Variants in BTBD8 observed in about 807,000 individuals in gnomAD.
BTBD8 encodes BTB/POZ domain-containing protein 8.
Under a neutral mutation model 162.9 loss-of-function variants are expected in BTBD8, and 110 were observed. The ratio of observed to expected loss-of-function variants is 0.68; its 90% CI spans 0.58 to 0.79. The LOEUF (loss-of-function observed/expected upper bound fraction) is 0.79, where lower values mean the gene tolerates loss of function less well. Ranked by LOEUF, BTBD8 falls within the 30% of genes least tolerant of loss-of-function variation. The pLI, the probability that BTBD8 is intolerant of heterozygous loss-of-function variation, is 0.00. For synonymous variants in BTBD8, 667 were observed against 716.1 expected (o/e 0.93, Z 1.10); for missense variants, 1,905 against 2,085.4 (o/e 0.91, Z 1.68).
At chr1:92,081,636 C>G (rs1648016145) in intron 1 of BTBD8, among the ~76,000 whole-genome samples, 1 of 152,090 alleles carries the variant, frequency 6.6e-6, no homozygotes, top group Non-Finnish European at 1.5e-5. Context: ...CGCCGTGGCG[C>G]GATCTCGGCT....
At chr1:92,105,961 C>T (rs1648714694) in intron 3 of BTBD8, among the ~76,000 whole-genome samples, 2 of 152,136 alleles carry the variant, frequency 1.3e-5, no homozygotes, top group Non-Finnish European at 2.9e-5. Flanking sequence ...CTATCTATTA[C>T]CAAAAATAAA....
At position 92,168,962 on chromosome 1, in the gene BTBD8, A is replaced by G; in HGVS notation, c.1540A>G (p.Met514Val). Residue 514 changes from methionine to valine, a missense_variant, in exon 12 of 18, where the codon ATG becomes GTG. Physicochemically the swap from Met to Val is conservative, Grantham distance 21. This residue lies in a region of BTBD8 where 1,374 missense variants were observed against 1,442.7 expected (regional missense o/e 0.95). Coordinates refer to ENST00000636805, the MANE Select transcript of BTBD8 (RefSeq NM_001376131.1). ...TCGTCACACAGAAAGCTGGAAGCTG[A>G]TGAGCACAGATGATCAACAGAAAAT... ...AVRHTESWKL[M>V]STDDQQKIQA... 6.5e-7 allele frequency: 1 copy of G among 1,537,680 alleles called. No individual in the cohort carries two copies. Among genetic ancestry groups the G allele is most frequent in the Non-Finnish European group, 8.8e-7 (1 of 1,136,594 alleles).
rs533253877 is a variant in BTBD8, at chr1:92,106,039, C to CA, written c.545-1842dup. Among the ~76,000 whole-genome samples, 87 of 152,282 alleles carry CA rather than the reference C, an allele frequency of 5.7e-4. No homozygotes were observed. In the South Asian group the frequency reaches 5.8e-3, roughly 10 times the overall value. On this transcript the variant is annotated intron_variant, in intron 3 of 17. Coordinates refer to ENST00000636805, the MANE Select transcript of BTBD8 (RefSeq NM_001376131.1). ...GGTTGCAGTTCCTTAAGTAGGAACT[C>CA]AAAGTATGGAGGCAGCTTACTTCAA...
chr1:92,158,713 G>A (rs1650214421), intron 9 of BTBD8, among the ~76,000 whole-genome samples: 1 of 152,058 alleles, frequency 6.6e-6, no homozygotes, highest in Non-Finnish European at 1.5e-5. Context: ...AGATCAGGGG[G>A]CTTATGGGAA....
intron 16 of BTBD8, among the ~76,000 whole-genome samples, chr1:92,178,931 G>T (rs1418661855): frequency 2.6e-5 from 4 of 152,100 alleles, no homozygotes; most frequent in Non-Finnish European, 5.9e-5. Context: ...TGTAAAACTG[G>T]CACTAAAGAG....
chr1:92,181,629 A>G lies in BTBD8; in HGVS notation c.3946A>G (p.Asn1316Asp), dbSNP rs1377872997. The G allele has an allele frequency of 6.4e-7, 1 of 1,550,464 alleles. No homozygotes were observed. Among genetic ancestry groups the G allele is most frequent in the Admixed American group, 2.0e-5 (1 of 50,936 alleles). ...TPEELKIYDSNLRIEVKMKKQ... is the reference protein window; with the variant it reads ...TPEELKIYDSDLRIEVKMKKQ... Reference sequence around the variant, plus strand: ...TGAAGAATTAAAAATTTATGATAGTAATTTAAGAATTGAAGTAAAAATGAA... The same window carrying G: ...TGAAGAATTAAAAATTTATGATAGTGATTTAAGAATTGAAGTAAAAATGAA... The change falls in exon 17 of 18, where the codon AAT (asparagine) becomes GAT (aspartate). Residue 1316 changes from asparagine (N) to aspartate (D), a missense_variant. This residue lies in a region of BTBD8 where 517 missense variants were observed against 606.6 expected (regional missense o/e 0.85). Coordinates refer to ENST00000636805, the MANE Select transcript of BTBD8 (RefSeq NM_001376131.1).
chr1:92,095,555 T>C (rs1648427918), intron 2 of BTBD8, among the ~76,000 whole-genome samples: 1 of 152,234 alleles, frequency 6.6e-6, no homozygotes. Context: ...TGTCCTTGCT[T>C]CCTTCCTTCT....
intron 9 of BTBD8, among the ~76,000 whole-genome samples, chr1:92,163,746 A>G (rs1313610957): frequency 2.0e-5 from 3 of 152,082 alleles, no homozygotes; most frequent in African/African-American, 7.2e-5. Context: ...GTCTGAAAGT[A>G]TTACTTCTGT....
Position 92,127,418 on chromosome 1 carries a change from A to G in BTBD8, c.663-2269A>G, listed in dbSNP as rs573744766. Among the ~76,000 whole-genome samples the G allele has an allele frequency of 2.2e-3, 332 of 152,336 alleles. 1 individual carries two copies. The highest frequency in any genetic ancestry group is 4.0e-3 in the Non-Finnish European group (272 of 68,036). On this transcript the variant is annotated intron_variant, in intron 4 of 17. Coordinates refer to ENST00000636805, the MANE Select transcript of BTBD8 (RefSeq NM_001376131.1). ...ATTCCAGGAGATTGAATTTGCTACA[A>G]CTAGATTCAGTTGGAACGAAAGTCA... is the stretch of plus-strand genomic sequence containing the variant.
chr1:92,128,539 A>G (rs1649423243), intron 4 of BTBD8, among the ~76,000 whole-genome samples: 1 of 151,900 alleles, frequency 6.6e-6, no homozygotes, highest in South Asian at 2.1e-4. Flanking sequence ...TAGCCTCCCA[A>G]AGTGCTGGGA....
At chr1:92,147,819 T>G in intron 9 of BTBD8, 33 bp downstream of exon 9, 1 of 1,537,668 alleles carries the variant, frequency 6.5e-7, no homozygotes, top group Non-Finnish European at 8.9e-7. Context: ...TTTGTGTGTT[T>G]GCCATTAAAA....
chr1:92,184,240 C>G lies in BTBD8; in HGVS notation c.5289C>G (p.Ser1763=), dbSNP rs1651014820. 6.4e-7 allele frequency: 1 copy of G among 1,551,478 alleles called. No individual in the cohort carries two copies. The highest frequency in any genetic ancestry group is 1.4e-5 in the African/African-American group (1 of 73,046). Residue 1763 remains serine (S), a synonymous_variant, in exon 18 of 18, where the codon TCC becomes TCG. Coordinates refer to ENST00000636805, the MANE Select transcript of BTBD8 (RefSeq NM_001376131.1). ...RWSELTSPLD[S]SASITMASFS... The stretch of plus-strand genomic sequence containing the variant: ...GTGAACTAACATCTCCACTTGATTC[C>G]TCAGCGAGCATCACCATGGCTAGTT...
intron 4 of BTBD8, among the ~76,000 whole-genome samples, chr1:92,119,620 C>CTTTTCTT (rs1433021882): frequency 6.7e-6 from 1 of 148,454 alleles, no homozygotes; most frequent in Non-Finnish European, 1.5e-5. Context: ...AAGCTCTTTT[C>CTTTTCTT]TTTTCTTTTT....
At chr1:92,168,054 T>C in intron 11 of BTBD8, 69 bp downstream of exon 11, 2 of 1,389,720 alleles carry the variant, frequency 1.4e-6, no homozygotes, top group Non-Finnish European at 1.9e-6. Flanking sequence ...TGTATGTGCA[T>C]TTTAAATGTT....
Position 92,091,566 on chromosome 1 carries a change from G to A in BTBD8, c.347+2671G>A, listed in dbSNP as rs191752088. On this transcript the variant is annotated intron_variant, in intron 2 of 17. Transcript: ENST00000636805. ...TTTTTTTATTTTTAGACGGAGTCTC[G>A]CTCTGTCGCCCAGGGTGGAGTGCAG... Among the ~76,000 whole-genome samples the A allele has an allele frequency of 1.8e-3, 266 of 150,932 alleles. 3 individuals carry two copies. The highest frequency in any genetic ancestry group is 5.9e-3 in the African/African-American group (243 of 41,074).
intron 9 of BTBD8, chr1:92,150,508 T>G (rs927052795): frequency 5.3e-5 from 8 of 152,238 alleles, no homozygotes; most frequent in Non-Finnish European, 1.2e-4. Context: ...GCATCGCTTA[T>G]TGTCATATAT....
chr1:92,123,995 C>G (rs1025026449), intron 4 of BTBD8, among the ~76,000 whole-genome samples: 3 of 152,044 alleles, frequency 2.0e-5, no homozygotes, highest in Admixed American at 6.6e-5. Flanking sequence ...TGTGGCCGTT[C>G]GGGATCCAAC....
In BTBD8 at chr1:92,182,552, CCATTCTACAA is replaced by C; in HGVS notation, c.4871_4880del (p.His1624LeufsTer14). The C allele has an allele frequency of 6.5e-7, 1 of 1,527,210 alleles. No homozygotes were observed. The highest frequency in any genetic ancestry group is 2.3e-5 in the Admixed American group (1 of 43,840). 94.6% of individuals were successfully genotyped at this position (1,527,210 alleles called of 1,614,324 possible). A position where few individuals can be genotyped will look rare whatever the true frequency, so the allele number is the denominator to read the frequency against. On this transcript the variant is annotated frameshift_variant, in exon 17 of 18. Coordinates refer to ENST00000636805, the MANE Select transcript of BTBD8 (RefSeq NM_001376131.1). LOFTEE classifies it high-confidence loss of function. ...CTCAGGAAGGTCCAGTGAAAGAGAG[CCATTCTACAA>C]CTACTGAAAAAGCTAATATTGCTTT...
chr1:92,182,529 CAG>C lies in BTBD8; in HGVS notation c.4847_4848del (p.Gln1616ArgfsTer13), dbSNP rs1284939255. ...CTCCTTTCGGAGTCAAGTTCTGCCTCAGGAAGGTCCAGTGAAAGAGAGCCATT... is the reference window on the plus strand; with the variant it reads ...CTCCTTTCGGAGTCAAGTTCTGCCTCGAAGGTCCAGTGAAAGAGAGCCATT... Reference protein sequence around the residue: ...LDSFRSQVLPQEGPVKESHST... With the variant: ...LDSFRSQVLPXEGPVKESHST... On this transcript the variant is annotated frameshift_variant, in exon 17 of 18. Transcript: ENST00000636805. LOFTEE classifies it high-confidence loss of function. The C allele has an allele frequency of 6.5e-7, 1 of 1,541,890 alleles. No homozygotes were observed. Among genetic ancestry groups the C allele is most frequent in the Middle Eastern group, 1.7e-4 (1 of 5,912 alleles).
Sources: allele counts gnomAD v4.1 joint callset (sites outside exome capture counted in the v4.1 genomes callset), GRCh38; gene constraint gnomAD v4.1.1; regional missense constraint gnomAD v4.1.1; transcripts MANE v1.5; gene names NCBI Gene and HGNC (gene_info 2026-07-23, HGNC 2026-07-21).